MYO15B: variants seen among roughly 807,000 people sequenced by gnomAD.
MYO15B encodes the protein myosin XVB pseudogene.
A neutral mutation model predicts 119.3 loss-of-function variants in MYO15B; 207 were observed. That is an observed-to-expected ratio of 1.73 (90% CI 1.55 to 1.95). The LOEUF (loss-of-function observed/expected upper bound fraction) is 1.95. MYO15B is among the 30% of genes most tolerant of loss of function. The pLI is 0.00. For synonymous variants in MYO15B, 966 were observed against 498.9 expected, an observed-to-expected ratio of 1.94 and a Z score of -12.48; for missense variants, 2,264 against 1,203.1, an observed-to-expected ratio of 1.88 and a Z score of -13.04.
At chr17:75,593,045 C>A in intron 9 of MYO15B, 1 of 529,536 alleles carries the variant, frequency 1.9e-6, no homozygotes, top group Non-Finnish European at 3.3e-6. Context: ...AGCTGCCACC[C>A]CTAAGAACAT....
chr17:75,610,147 G>T lies in MYO15B; in HGVS notation c.4293-19G>T, dbSNP rs868694489. 2 of 693,650 alleles carry T rather than the reference G, an allele frequency of 2.9e-6. No homozygotes were observed. Among genetic ancestry groups the T allele is most frequent in the Middle Eastern group, 2.3e-4 (1 of 4,298 alleles). The allele number at this position is 693,650 out of a possible 1,614,324, so 43.0% of individuals were successfully genotyped here. A position where few individuals can be genotyped will look rare whatever the true frequency, so the allele number is the denominator to read the frequency against. ...AGTTTGGACTCTTCATTTCGCCCCC[G>T]CTCTTTCCCGGCCTCCAGGAAGCGG... On this transcript the variant is annotated intron_variant, in intron 21 of 63. Transcript: ENST00000645453.
intron 21 of MYO15B, among the ~76,000 whole-genome samples, chr17:75,609,716 C>T (rs186708170): frequency 2.0e-5 from 3 of 149,664 alleles, no homozygotes; most frequent in East Asian, 3.9e-4. Context: ...CCCTCCCTCC[C>T]TCCCTTCCTG....
Position 75,589,475 on chromosome 17 carries a change from G to T in MYO15B, c.1418G>T (p.Arg473Ile), listed in dbSNP as rs542511889. The T allele has an allele frequency of 1.1e-3, 444 of 395,748 alleles. 3 individuals are homozygous for T. The highest frequency in any genetic ancestry group is 8.1e-3 in the African/African-American group (390 of 48,316). The allele number at this position is 395,748 out of a possible 1,614,324, so 24.5% of individuals were successfully genotyped here. Residue 473 changes from arginine to isoleucine, a missense_variant, in exon 1 of 64, where the codon AGA (arginine) becomes ATA (isoleucine). Transcript: ENST00000645453. This position sits in a 1 kb window ranked among gnomAD's most constrained non-coding sequence, Gnocchi z 4.2. ...GCGGACGAGGGGCGGGGTCACGAGA[G>T]AGGTGACGAGGGCCGGGACCACCAG...
rs1044817388 is a variant in MYO15B at position 75,615,607 on chromosome 17, G to T, written c.5838+7G>T. 1 of 693,002 alleles carries T rather than the reference G, an allele frequency of 1.4e-6. No homozygotes were observed. The highest frequency in any genetic ancestry group is 2.6e-6 in the Non-Finnish European group (1 of 379,714). The allele number at this position is 693,002 out of a possible 1,614,324, so 42.9% of individuals were successfully genotyped here. ...GCAGCAGGCGCTAATCCTGGTGAGC[G>T]CTGGCAGGGCCCTGGGGCCACCTGG... On this transcript the variant is annotated splice_region_variant and intron_variant, in intron 35 of 63. Coordinates refer to ENST00000645453, the Ensembl canonical transcript of MYO15B.
chr17:75,598,302 G>T (rs1044794226), intron 14 of MYO15B, among the ~76,000 whole-genome samples: 4 of 150,868 alleles, frequency 2.7e-5, no homozygotes, highest in African/African-American at 9.7e-5. Flanking sequence ...AAATGGGCCA[G>T]GCGCGGTGGC....
At chr17:75,598,986 G>A (rs549692041) in intron 14 of MYO15B, among the ~76,000 whole-genome samples, 1 of 152,260 alleles carries the variant, frequency 6.6e-6, no homozygotes, top group East Asian at 1.9e-4. Flanking sequence ...ATATAGGCAA[G>A]TTCCCCCATG....
At position 75,589,374 on chromosome 17, in the gene MYO15B, C is replaced by T; in HGVS notation, c.1317C>T (p.Asp439=). The stretch of plus-strand genomic sequence containing the variant: ...AAGGGCGGGGCCACGAGCGAGGGGA[C>T]GAGGGTCGGGGCCGCGGGAAAGCGG... Residue 439 remains aspartate (D), a synonymous_variant, in exon 1 of 64, where the codon GAC becomes GAT. Coordinates refer to ENST00000645453, the Ensembl canonical transcript of MYO15B. The surrounding 1 kb of genome is among the most constrained non-coding windows in gnomAD (Gnocchi z 4.2). 1 of 371,896 alleles carries T rather than the reference C, an allele frequency of 2.7e-6. No homozygotes were observed. 23.0% of individuals were successfully genotyped at this position (371,896 alleles called of 1,614,324 possible).
chr17:75,620,822 A>C, intron 49 of MYO15B, 186 bp downstream of exon 49: 1 of 701,794 alleles, frequency 1.4e-6, no homozygotes, highest in Non-Finnish European at 2.6e-6. Flanking sequence ...CACTCCTTGC[A>C]GGCAGGGGCT....
intron 36 of MYO15B, 81 bp from the exon 37 acceptor site, chr17:75,615,988 G>A: frequency 1.7e-6 from 1 of 595,040 alleles, no homozygotes; most frequent in South Asian, 2.0e-5. Flanking sequence ...GAGGCTGCTG[G>A]CCCAGGACTG....
chr17:75,620,193 C>T, intron 47 of MYO15B, 53 bp from the exon 48 acceptor site: 4 of 701,628 alleles, frequency 5.7e-6, no homozygotes, highest in Non-Finnish European at 7.8e-6. Context: ...GCAGGCAGGA[C>T]AGGGAGGCAC....
At chr17:75,615,598 C>T (rs2058319417) in exon 35 of MYO15B, 1 of 696,142 alleles carries the variant, frequency 1.4e-6, no homozygotes, top group Non-Finnish European at 2.6e-6. Context: ...GGCGCTAATC[C>T]TGGTGAGCGC....
chr17:75,614,018 A>C (rs1024537372), intron 29 of MYO15B, 181 bp from the exon 30 acceptor site: 2 of 599,820 alleles, frequency 3.3e-6, no homozygotes, highest in Admixed American at 5.8e-5. Context: ...CCCTTGTGGA[A>C]GTGGAGGGCC....
Position 75,602,530 on chromosome 17 carries a change from TA to T in MYO15B, c.3668del (p.Asn1223ThrfsTer55). 1.4e-6 allele frequency: 1 copy of T among 702,110 alleles called. No individual in the cohort carries two copies. Among genetic ancestry groups the T allele is most frequent in the Non-Finnish European group, 2.6e-6 (1 of 384,398 alleles). 43.5% of individuals were successfully genotyped at this position (702,110 alleles called of 1,614,324 possible). On this transcript the variant is annotated frameshift_variant, in exon 16 of 64. Coordinates refer to ENST00000645453, the Ensembl canonical transcript of MYO15B. LOFTEE classifies it high-confidence loss of function. ...GGTCTCTTGCAGGTTCACAAGTTTT[TA>T]AACAGAAACCGGGATCAGCTGGACC... is the stretch of plus-strand genomic sequence containing the variant.
exon 13 of MYO15B, chr17:75,596,505 A>C: frequency 1.4e-6 from 1 of 703,044 alleles, no homozygotes; most frequent in Non-Finnish European, 2.6e-6. Context: ...CAACCTCGCC[A>C]GCGAGCGCCT....
chr17:75,604,149 C>T (rs937556705), intron 19 of MYO15B, among the ~76,000 whole-genome samples: 1 of 152,104 alleles, frequency 6.6e-6, no homozygotes, highest in African/African-American at 2.4e-5. Flanking sequence ...AGCTCCAGGG[C>T]GGGGCACGTT....
chr17:75,603,160 T>C (rs1026962744), intron 18 of MYO15B, 28 bp from the exon 19 acceptor site: 25 of 703,020 alleles, frequency 3.6e-5, no homozygotes, highest in Admixed American at 1.4e-4. Context: ...TGACTCCAGC[T>C]GTCTTTGGCT....
In MYO15B at chr17:75,625,250, C is replaced by T; in HGVS notation, c.8804+12C>T. On this transcript the variant is annotated intron_variant, in intron 60 of 63. Transcript: ENST00000645453. ...AATACCCCCTCAGGGTGAGTGGAGG[C>T]ACCTCCCGCCCCTAAGCCCCTCCCC... 1 of 691,002 alleles carries T rather than the reference C, an allele frequency of 1.4e-6. No individual in the cohort carries two copies. The allele number at this position is 691,002 out of a possible 1,614,324, so 42.8% of individuals were successfully genotyped here. A position where few individuals can be genotyped will look rare whatever the true frequency, so the allele number is the denominator to read the frequency against.
At chr17:75,601,853 C>T (rs746837874) in intron 15 of MYO15B, among the ~76,000 whole-genome samples, 3 of 152,214 alleles carry the variant, frequency 2.0e-5, no homozygotes, top group South Asian at 2.1e-4. Flanking sequence ...TCTGAGCCTC[C>T]GTTTCCTCAC....
intron 47 of MYO15B, 81 bp from the exon 48 acceptor site, chr17:75,620,165 A>C (rs2058624185): frequency 1.4e-6 from 1 of 697,348 alleles, no homozygotes; most frequent in African/African-American, 1.7e-5. Flanking sequence ...GGGGCAGGCC[A>C]GCAGGGGGAG....
Sources: gnomAD v4.1 joint callset for allele counts (sites outside exome capture counted in the v4.1 genomes callset) on GRCh38, gnomAD v4.1.1 for gene constraint, Gnocchi (gnomAD v3.1) non-coding constraint, MANE v1.5 for transcripts, NCBI Gene and HGNC (gene_info 2026-07-23, HGNC 2026-07-21) for gene names.